ATG2B: variants seen among roughly 807,000 people sequenced by gnomAD.
The protein encoded by ATG2B is autophagy-related protein 2 homolog B.
In ATG2B, 121 loss-of-function variants were observed where a neutral mutation model predicts 241.3. The observed-to-expected ratio is 0.50, with a 90% CI of 0.43 to 0.58. The LOEUF (loss-of-function observed/expected upper bound fraction) is 0.58, where lower values mean the gene tolerates loss of function less well. Ranked by LOEUF, ATG2B falls within the 20% of genes least tolerant of loss-of-function variation. ATG2B has a pLI of 0.00. For missense variants in ATG2B, 2,306 were observed against 2,491.6 expected (o/e 0.93, Z 1.59); for synonymous variants, 858 against 876.6 (o/e 0.98, Z 0.37).
intron 34 of ATG2B, among the ~76,000 whole-genome samples, chr14:96,297,743 G>T (rs1595295839): frequency 6.6e-6 from 1 of 151,806 alleles, no homozygotes; most frequent in Non-Finnish European, 1.5e-5. Context: ...TTTGATTTTG[G>T]TATTTATGCT....
rs937740160 is a variant in ATG2B at position 96,280,088 on chromosome 14, A to C, written c.*5667T>G. ...CCCTACTCACGGGCATGCAGAACTG[A>C]ACCGCTGGGGTGGCTAAGCACAGCC... On this transcript the variant is annotated 3_prime_UTR_variant, in exon 42 of 42. Coordinates refer to ENST00000359933, the MANE Select transcript of ATG2B (RefSeq NM_018036.7). 4 of 152,314 alleles carry C rather than the reference A, an allele frequency of 2.6e-5. No individual in the cohort carries two copies. The highest frequency in any genetic ancestry group is 4.4e-5 in the Non-Finnish European group (3 of 68,124). 9.4% of individuals were successfully genotyped at this position (152,314 alleles called of 1,614,324 possible).
intron 18 of ATG2B, among the ~76,000 whole-genome samples, chr14:96,318,989 A>C (rs971738464): frequency 6.6e-6 from 1 of 152,216 alleles, no homozygotes; most frequent in African/African-American, 2.4e-5. Flanking sequence ...CATAACAGGC[A>C]CGGACAGTTG....
intron 5 of ATG2B, among the ~76,000 whole-genome samples, chr14:96,342,916 A>C (rs1213700392): frequency 6.6e-6 from 1 of 152,136 alleles, no homozygotes; most frequent in East Asian, 1.9e-4. Flanking sequence ...CTTTCAAACT[A>C]ATACACAGCA....
intron 29 of ATG2B, among the ~76,000 whole-genome samples, chr14:96,307,425 AAAC>A (rs1250754511): frequency 0.01 from 1,577 of 151,342 alleles, 26 homozygotes; most frequent in African/African-American, 0.036. Context: ...ACAAACAAAC[AAAC>A]AAAAAACAAC....
In ATG2B at chr14:96,333,918, G is replaced by A. The variant is rs1595319597; in HGVS notation, c.1022-45C>T. On this transcript the variant is annotated intron_variant, in intron 7 of 41. Transcript: ENST00000359933. ...AACCAAAACAGTAATTAAATTTGGA[G>A]TTAATTAAGCATTTCTTTCCCAAAA... is the stretch of plus-strand genomic sequence containing the variant. 3 of 1,540,398 alleles carry A rather than the reference G, an allele frequency of 1.9e-6. No individual in the cohort carries two copies. In the East Asian group the frequency reaches 6.7e-5, roughly 35 times the overall value.
intron 14 of ATG2B, 92 bp from the exon 15 acceptor site, chr14:96,326,014 A>G (rs984627599): frequency 8.1e-7 from 1 of 1,239,910 alleles, no homozygotes; most frequent in South Asian, 1.6e-5. Context: ...TATAATCACT[A>G]TCTCCCCATT....
At chr14:96,288,368 T>G (rs1360431456) in intron 41 of ATG2B, among the ~76,000 whole-genome samples, 2 of 152,236 alleles carry the variant, frequency 1.3e-5, no homozygotes, top group African/African-American at 4.8e-5. Context: ...AGTTGTTAAA[T>G]CAAACTGCTA....
intron 2 of ATG2B, 116 bp from the exon 3 acceptor site, chr14:96,345,501 T>A: frequency 1.3e-6 from 1 of 762,668 alleles, no homozygotes; most frequent in Non-Finnish European, 1.9e-6. Context: ...ATTTTTAACA[T>A]CATGATGTTA....
chr14:96,344,716 C>G lies in ATG2B; in HGVS notation c.519G>C (p.Leu173Phe), dbSNP rs1177016344. ...RVKVTFIDTV[L>F]RIEHVPENSK... ...AATTTTCTGGCACATGTTCAATTCT[C>G]AAAACAGTATCTATAAAAGTGACTT... Residue 173 changes from leucine to phenylalanine, a missense_variant, in exon 4 of 42, where the codon TTG (leucine) becomes TTC (phenylalanine). Physicochemically the swap from Leu to Phe is conservative, Grantham distance 22 (BLOSUM62 0). This residue lies in a region of ATG2B where 1,927 missense variants were observed against 2,011.2 expected (regional missense o/e 0.96). Coordinates refer to ENST00000359933, the MANE Select transcript of ATG2B (RefSeq NM_018036.7). 1.9e-6 allele frequency: 3 copies of G among 1,604,412 alleles called. No homozygotes were observed. The highest frequency in any genetic ancestry group is 4.5e-5 in the East Asian group (2 of 44,440).
chr14:96,347,467 A>AC (rs1471240087), intron 1 of ATG2B, 126 bp from the exon 2 acceptor site: 1 of 654,806 alleles, frequency 1.5e-6, no homozygotes, highest in African/African-American at 1.8e-5. Flanking sequence ...AGAGACTTCC[A>AC]CAAGTACAGG....
In ATG2B at chr14:96,346,421, T is replaced by C. The variant is rs146239096; in HGVS notation, c.325+758A>G. Among the ~76,000 whole-genome samples, 133 of 152,364 alleles carry C rather than the reference T, an allele frequency of 8.7e-4. 1 individual carries two copies. Among genetic ancestry groups the C allele is most frequent in the African/African-American group, 3.0e-3 (126 of 41,588 alleles). On this transcript the variant is annotated intron_variant, in intron 2 of 41. Transcript: ENST00000359933. The stretch of plus-strand genomic sequence containing the variant: ...AAATATTATATCCACTCATCATAGT[T>C]AAAAGATAGAATATTCTTGTAAATT...
At chr14:96,315,823 A>G (rs1198518090) in intron 21 of ATG2B, among the ~76,000 whole-genome samples, 1 of 152,170 alleles carries the variant, frequency 6.6e-6, no homozygotes, top group Non-Finnish European at 1.5e-5. Context: ...TAAATAGAAA[A>G]CTATCACAAA....
chr14:96,354,481 G>C (rs192464074), intron 1 of ATG2B, among the ~76,000 whole-genome samples: 46 of 152,328 alleles, frequency 3.0e-4, no homozygotes, highest in Admixed American at 2.7e-3. Context: ...CTGCATAGTA[G>C]TCCACTGTGT....
chr14:96,331,038 A>T (rs1887716942), intron 11 of ATG2B, among the ~76,000 whole-genome samples: 1 of 152,224 alleles, frequency 6.6e-6, no homozygotes, highest in Admixed American at 6.5e-5. Context: ...TGACAATAAG[A>T]ACTGTTTTCA....
chr14:96,352,532 G>A lies in ATG2B; in HGVS notation c.163-5191C>T, dbSNP rs557454740. ...GGAACAAGATGTGGAGGTAGAAGGTGGTGACATTGATGATCCTTACCCTGT... is the reference window on the plus strand; with the variant it reads ...GGAACAAGATGTGGAGGTAGAAGGTAGTGACATTGATGATCCTTACCCTGT... On this transcript the variant is annotated intron_variant, in intron 1 of 41. Coordinates refer to ENST00000359933, the MANE Select transcript of ATG2B (RefSeq NM_018036.7). 5.6e-4 allele frequency among the ~76,000 whole-genome samples: 85 copies of A among 151,950 alleles called. 1 individual carries two copies. The highest frequency in any genetic ancestry group is 1.9e-3 in the African/African-American group (79 of 41,428).
chr14:96,352,222 T>G (rs1314138948), intron 1 of ATG2B, among the ~76,000 whole-genome samples: 2 of 152,184 alleles, frequency 1.3e-5, no homozygotes, highest in African/African-American at 2.4e-5. Context: ...GTGATGCTGG[T>G]GTAAATAAAC....
Position 96,301,979 on chromosome 14 carries a change from C to T in ATG2B, c.5139+28G>A, listed in dbSNP as rs141704194. ...AACATGCAGTCTAATCTAACTGTAA[C>T]GGCAGGAATCACGCTCATGCTACAA... On this transcript the variant is annotated intron_variant, in intron 34 of 41. Transcript: ENST00000359933. 8,419 of 1,512,556 alleles carry T rather than the reference C, an allele frequency of 5.6e-3. 293 individuals carry two copies. In the South Asian group the frequency reaches 0.065, roughly 12 times the overall value. The allele number at this position is 1,512,556 out of a possible 1,614,324, so 93.7% of individuals were successfully genotyped here. A position where few individuals can be genotyped will look rare whatever the true frequency, so the allele number is the denominator to read the frequency against.
Position 96,290,714 on chromosome 14 carries a change from G to C in ATG2B, c.5701+100C>G. ...TTTGTGTATATGAGTACATATGTGA[G>C]TTTTCTAGACTAATGGTCCTCACAT... On this transcript the variant is annotated intron_variant, in intron 39 of 41. Transcript: ENST00000359933. The surrounding 1 kb of genome is among the most constrained non-coding windows in gnomAD (Gnocchi z 4.4). The C allele has an allele frequency of 2.6e-6, 4 of 1,542,794 alleles. No homozygotes were observed. Among genetic ancestry groups the C allele is most frequent in the Non-Finnish European group, 3.5e-6 (4 of 1,138,846 alleles).
chr14:96,295,093 C>A lies in ATG2B; in HGVS notation c.5293G>T (p.Val1765Phe), dbSNP rs1886594142. 1.9e-6 allele frequency: 3 copies of A among 1,614,152 alleles called. No homozygotes were observed. The highest frequency in any genetic ancestry group is 2.2e-5 in the South Asian group (2 of 91,084). The part of the protein sequence containing the change: ...HLSTSKEPNL[V>F]ISFSGPKQPS... Reference sequence around the variant, plus strand: ...TGTTTTGGCCCAGAGAAAGAAATAACCAGATTTGGCTCCTTTGAGGTACTC... The same window carrying A: ...TGTTTTGGCCCAGAGAAAGAAATAAACAGATTTGGCTCCTTTGAGGTACTC... The change falls in exon 36 of 42, where the codon GTT becomes TTT. Residue 1765 changes from valine to phenylalanine, a missense_variant. Val to Phe is a conservative substitution (Grantham distance 50). Around this residue, in one of 2 missense-constraint regions of ATG2B, gnomAD observed 379 missense variants for 480.4 expected, o/e 0.79. Coordinates refer to ENST00000359933, the MANE Select transcript of ATG2B (RefSeq NM_018036.7).
Sources: gnomAD v4.1 joint callset for allele counts (sites outside exome capture counted in the v4.1 genomes callset) on GRCh38, gnomAD v4.1.1 for gene constraint, gnomAD v4.1.1 regional missense constraint, Gnocchi (gnomAD v3.1) non-coding constraint, MANE v1.5 for transcripts, NCBI Gene and HGNC (gene_info 2026-07-23, HGNC 2026-07-21) for gene names.